The following SGCZ variants were observed in gnomAD, a reference collection of about 807,000 sequenced individuals.
SGCZ encodes sarcoglycan zeta, also known as zeta-sarcoglycan.
In SGCZ, 40 loss-of-function variants were observed where a neutral mutation model predicts 41.3. That is an observed-to-expected ratio of 0.97 (90% CI 0.75 to 1.26). The LOEUF (loss-of-function observed/expected upper bound fraction) is 1.26, where lower values mean the gene tolerates loss of function less well. Among genes scored for constraint, SGCZ ranks in the 50% most tolerant of loss-of-function variants. The probability of loss-of-function intolerance (pLI) is 0.00; values close to 1 mark genes in which losing one functional copy is unlikely to be tolerated. For synonymous variants in SGCZ, 206 were observed against 137.5 expected (o/e 1.50, Z -3.49); for missense variants, 552 against 369.8 (o/e 1.49, Z -4.04).
intron 1 of SGCZ, among the ~76,000 whole-genome samples, chr8:15,217,125 A>T (rs1455706386): frequency 6.6e-6 from 1 of 152,146 alleles, no homozygotes; most frequent in East Asian, 1.9e-4. Flanking sequence ...AGTAGAGTTA[A>T]GAATTGAACT....
At chr8:15,178,173 C>T (rs1425504006) in intron 1 of SGCZ, among the ~76,000 whole-genome samples, 1 of 152,140 alleles carries the variant, frequency 6.6e-6, no homozygotes, top group Non-Finnish European at 1.5e-5. Context: ...AACCGCACCC[C>T]TACAACACCC....
At chr8:14,313,342 C>T (rs1801608017) in intron 3 of SGCZ, among the ~76,000 whole-genome samples, 1 of 152,270 alleles carries the variant, frequency 6.6e-6, no homozygotes, top group Admixed American at 6.5e-5. Context: ...TTTTGAGACA[C>T]AGACTCGCTC....
chr8:14,121,825 C>T (rs1802705312), intron 5 of SGCZ, among the ~76,000 whole-genome samples: 1 of 152,092 alleles, frequency 6.6e-6, no homozygotes, highest in African/African-American at 2.4e-5. Flanking sequence ...ATTTTCTGTT[C>T]TGTAAAATAA....
intron 1 of SGCZ, among the ~76,000 whole-genome samples, chr8:15,159,380 T>C (rs571112391): frequency 4.6e-5 from 7 of 152,280 alleles, no homozygotes; most frequent in African/African-American, 9.6e-5. Context: ...AGAAAATTAA[T>C]TGAACCCAAA....
At chr8:15,036,083 C>T (rs892663398) in intron 1 of SGCZ, among the ~76,000 whole-genome samples, 3 of 151,670 alleles carry the variant, frequency 2.0e-5, no homozygotes, top group Admixed American at 6.6e-5. Flanking sequence ...AATCCACAGA[C>T]CTTTAACTAG....
At chr8:14,458,028 C>A (rs904904923) in intron 2 of SGCZ, among the ~76,000 whole-genome samples, 2 of 152,084 alleles carry the variant, frequency 1.3e-5, no homozygotes, top group Admixed American at 1.3e-4. Context: ...GCCTGTAGAA[C>A]CATGGGTCAA....
At position 14,108,143 on chromosome 8, in the gene SGCZ, G is replaced by C; in HGVS notation, c.620+20C>G. 1.2e-6 allele frequency: 2 copies of C among 1,611,622 alleles called. No individual in the cohort carries two copies. The highest frequency in any genetic ancestry group is 1.7e-6 in the Non-Finnish European group (2 of 1,177,896). ...AACAATGATGGATTTTATGCCACAG[G>C]TATAAGAGGAAGCCCTTACCTGAGA... On this transcript the variant is annotated intron_variant, in intron 6 of 7. Coordinates refer to ENST00000382080, the MANE Select transcript of SGCZ (RefSeq NM_139167.4).
intron 1 of SGCZ, among the ~76,000 whole-genome samples, chr8:14,883,716 C>T (rs1177009576): frequency 1.3e-5 from 2 of 149,242 alleles, no homozygotes; most frequent in African/African-American, 4.9e-5. Flanking sequence ...AAGACTATGA[C>T]TTTGACCTGG....
Position 14,554,851 on chromosome 8 carries a change from C to T in SGCZ, c.115G>A (p.Val39Met). ...PRTENAQLYP[V>M]GIYGWRKRCL... is the part of the protein sequence containing the mutation. ...CTCTTTCGCCATCCATAAATTCCCA[C>T]TGGGTAAAGTTGTGCATTCTCAGTC... The change falls in exon 2 of 8, where the codon GTG (valine) becomes ATG (methionine). Residue 39 changes from valine (V) to methionine (M), a missense_variant. Val to Met is a conservative substitution (Grantham distance 21, BLOSUM62 1). Coordinates refer to ENST00000382080, the MANE Select transcript of SGCZ (RefSeq NM_139167.4). 2 of 1,613,160 alleles carry T rather than the reference C, an allele frequency of 1.2e-6. No individual in the cohort carries two copies. The highest frequency in any genetic ancestry group is 1.7e-6 in the Non-Finnish European group (2 of 1,179,526).
At chr8:14,789,713 T>C (rs960276916) in intron 1 of SGCZ, among the ~76,000 whole-genome samples, 1 of 152,148 alleles carries the variant, frequency 6.6e-6, no homozygotes, top group African/African-American at 2.4e-5. Flanking sequence ...TACTAACTTC[T>C]TTCTCTAGAT....
At chr8:14,802,901 T>G (rs1270987858) in intron 1 of SGCZ, among the ~76,000 whole-genome samples, 2 of 152,176 alleles carry the variant, frequency 1.3e-5, no homozygotes, top group African/African-American at 4.8e-5. Context: ...AAGCTTCCTG[T>G]CTGCAAGCAT....
At chr8:14,614,039 A>G (rs531115238) in intron 1 of SGCZ, among the ~76,000 whole-genome samples, 8 of 152,288 alleles carry the variant, frequency 5.3e-5, no homozygotes, top group African/African-American at 1.9e-4. Context: ...CAGTGAGTAC[A>G]GGCCGCTCAC....
At chr8:14,162,025 CTT>C (rs952431416) in intron 5 of SGCZ, among the ~76,000 whole-genome samples, 1 of 152,074 alleles carries the variant, frequency 6.6e-6, no homozygotes, top group Non-Finnish European at 1.5e-5. Flanking sequence ...AGCAGAAAAA[CTT>C]AGATTTTTCA....
At chr8:14,534,435 G>T (rs1803232596) in intron 2 of SGCZ, among the ~76,000 whole-genome samples, 1 of 151,950 alleles carries the variant, frequency 6.6e-6, no homozygotes, top group South Asian at 2.1e-4. Flanking sequence ...TTAGTTTCTA[G>T]CATTGTCATC....
At chr8:14,459,116 T>C (rs891874978) in intron 2 of SGCZ, among the ~76,000 whole-genome samples, 2 of 152,088 alleles carry the variant, frequency 1.3e-5, no homozygotes, top group Non-Finnish European at 2.9e-5. Context: ...AGATGAATAA[T>C]TCTACATGGA....
intron 4 of SGCZ, among the ~76,000 whole-genome samples, chr8:14,182,810 G>C (rs926318874): frequency 6.6e-6 from 1 of 151,990 alleles, no homozygotes; most frequent in African/African-American, 2.4e-5. Flanking sequence ...AGAAGTTCAA[G>C]ACCAGCCTGG....
intron 2 of SGCZ, among the ~76,000 whole-genome samples, chr8:14,325,747 CATATATAT>C (rs370021799): frequency 0.048 from 3,345 of 69,024 alleles, 195 homozygotes; most frequent in African/African-American, 0.12. Flanking sequence ...CACACACACA[CATATATAT>C]ATATATATAT....
At chr8:14,348,642 G>C (rs139296101) in intron 2 of SGCZ, among the ~76,000 whole-genome samples, 67 of 152,206 alleles carry the variant, frequency 4.4e-4, no homozygotes, top group African/African-American at 1.5e-3. Context: ...TAAATATAAG[G>C]TATGGCTTAT....
chr8:14,694,682 G>C (rs1288294040), intron 1 of SGCZ, among the ~76,000 whole-genome samples: 3 of 152,004 alleles, frequency 2.0e-5, no homozygotes, highest in Non-Finnish European at 4.4e-5. Context: ...ATACATTTCA[G>C]GCAAGTAAAG....
Sources: gnomAD v4.1 joint callset for allele counts (sites outside exome capture counted in the v4.1 genomes callset) on GRCh38, gnomAD v4.1.1 for gene constraint, MANE v1.5 for transcripts, NCBI Gene and HGNC (gene_info 2026-07-23, HGNC 2026-07-21) for gene names.